Variants in BAIAP2L2 observed in about 807,000 individuals in gnomAD.
BAIAP2L2 encodes BAR/IMD domain containing adaptor protein 2 like 2, also known as BAR/IMD domain-containing adapter protein 2-like 2.
Under a neutral mutation model 60.4 loss-of-function variants are expected in BAIAP2L2, and 65 were observed. The ratio of observed to expected loss-of-function variants is 1.08; its 90% CI spans 0.88 to 1.32. BAIAP2L2 has a LOEUF of 1.32. BAIAP2L2 is among the 40% of genes most tolerant of loss of function. The pLI is 0.00. For missense variants in BAIAP2L2, 836 were observed against 741.2 expected, an observed-to-expected ratio of 1.13 and a Z score of -1.48; for synonymous variants, 344 against 301.7, an observed-to-expected ratio of 1.14 and a Z score of -1.45.
Position 38,089,591 on chromosome 22 carries a change from G to T in BAIAP2L2, c.696C>A (p.Pro232=). The change falls in exon 8 of 14, where the codon CCC becomes CCA. Residue 232 remains proline (P), a synonymous_variant. Coordinates refer to ENST00000381669, the MANE Select transcript of BAIAP2L2 (RefSeq NM_025045.6). ...GCCCCAGCGCGGGGCCCAGCAGGCC[G>T]GGGGAGTGGGCGCGCGACGGGCTGC... ...ASRSPSRAHS[P]GLLGPALGPP... The T allele has an allele frequency of 8.1e-7, 1 of 1,234,574 alleles. No individual in the cohort carries two copies. Among genetic ancestry groups the T allele is most frequent in the Non-Finnish European group, 1.0e-6 (1 of 990,820 alleles). The allele number at this position is 1,234,574 out of a possible 1,614,324, so 76.5% of individuals were successfully genotyped here.
chr22:38,101,062 A>G (rs1157771279), intron 4 of BAIAP2L2, among the ~76,000 whole-genome samples: 3 of 152,332 alleles, frequency 2.0e-5, no homozygotes, highest in African/African-American at 4.8e-5. Context: ...TACAATTGTC[A>G]AAATCTGTTG....
In BAIAP2L2 at chr22:38,094,486, G is replaced by A. The variant is rs538741906; in HGVS notation, c.612+2546C>T. ...CAGGTGTGAGCCACCGCGCCTGGCC[G>A]AGGTACTGGGTTACTGTGGTGGAGG... On this transcript the variant is annotated intron_variant, in intron 7 of 13. Coordinates refer to ENST00000381669, the MANE Select transcript of BAIAP2L2 (RefSeq NM_025045.6). Among the ~76,000 whole-genome samples, 8 of 152,098 alleles carry A rather than the reference G, an allele frequency of 5.3e-5. No individual in the cohort carries two copies. In the East Asian group the frequency reaches 7.7e-4, roughly 15 times the overall value.
At chr22:38,098,689 G>T (rs570569742) in intron 4 of BAIAP2L2, among the ~76,000 whole-genome samples, 1 of 152,314 alleles carries the variant, frequency 6.6e-6, no homozygotes, top group African/African-American at 2.4e-5. Flanking sequence ...TTAGTGCAGT[G>T]CTGCCTGGAA....
intron 7 of BAIAP2L2, among the ~76,000 whole-genome samples, chr22:38,092,370 G>A (rs1032464051): frequency 3.3e-5 from 5 of 152,200 alleles, no homozygotes; most frequent in African/African-American, 1.2e-4. Flanking sequence ...TCTGCCTCCC[G>A]GGTTCAAGCC....
intron 12 of BAIAP2L2, 94 bp downstream of exon 12, chr22:38,086,148 C>T (rs1168699428): frequency 1.5e-6 from 2 of 1,365,886 alleles, no homozygotes; most frequent in East Asian, 2.5e-5. Flanking sequence ...TAGGCGGGTC[C>T]CCTGCCAGAC....
At chr22:38,098,868 TTG>T (rs2086505425) in intron 4 of BAIAP2L2, among the ~76,000 whole-genome samples, 1 of 152,216 alleles carries the variant, frequency 6.6e-6, no homozygotes, top group Non-Finnish European at 1.5e-5. Context: ...CTCCCTCGTT[TTG>T]TCTCTGGAAT....
chr22:38,096,890 A>C (rs1646114507), intron 7 of BAIAP2L2, 142 bp downstream of exon 7: 5 of 969,852 alleles, frequency 5.2e-6, no homozygotes, highest in Non-Finnish European at 7.5e-6. Flanking sequence ...AAATGGATGG[A>C]GATAGCAAAA....
Position 38,088,903 on chromosome 22 carries a change from G to C in BAIAP2L2, c.963C>G (p.Gly321=), listed in dbSNP as rs760552564. 1 of 1,565,222 alleles carries C rather than the reference G, an allele frequency of 6.4e-7. No homozygotes were observed. The highest frequency in any genetic ancestry group is 2.3e-5 in the East Asian group (1 of 43,076). ...GGACTCTCCTGGCGCCCCCGCCGCC[G>C]CCCGGGCGCTCGCCAAAGGAGTTGG... ...SRSNSFGERP[G]GGGGARRVRA... The change falls in exon 10 of 14, where the codon GGC becomes GGG. Residue 321 remains glycine (G), a synonymous_variant. Transcript: ENST00000381669.
intron 4 of BAIAP2L2, among the ~76,000 whole-genome samples, chr22:38,099,792 C>T (rs2086526983): frequency 1.3e-5 from 2 of 152,212 alleles, no homozygotes; most frequent in Non-Finnish European, 2.9e-5. Flanking sequence ...CTCTGCGCAG[C>T]CTCTGTCCAC....
intron 1 of BAIAP2L2, among the ~76,000 whole-genome samples, chr22:38,109,795 A>C (rs73886266): frequency 1.3e-5 from 2 of 151,946 alleles, no homozygotes; most frequent in African/African-American, 4.8e-5. Flanking sequence ...GTCTCGGTTC[A>C]AATCCCAGCA....
Position 38,098,092 on chromosome 22 carries a change from TGC to T in BAIAP2L2, c.434_435del (p.Arg145GlnfsTer26), listed in dbSNP as rs1569226079. On this transcript the variant is annotated frameshift_variant, in exon 6 of 14. Coordinates refer to ENST00000381669, the MANE Select transcript of BAIAP2L2 (RefSeq NM_025045.6). LOFTEE classifies it high-confidence loss of function. ...ATCTCCCGCACGTTCTTGTCTCTCTTGCGCTCCATGCGCCACAGCTCAGACAT... is the reference window on the plus strand; with the variant it reads ...ATCTCCCGCACGTTCTTGTCTCTCTTGCTCCATGCGCCACAGCTCAGACAT... Reference protein sequence around the residue: ...KCMSELWRMERKRDKNVREMK... With the variant: ...KCMSELWRMEXKRDKNVREMK... The T allele has an allele frequency of 6.4e-7, 1 of 1,563,516 alleles. No homozygotes were observed. The highest frequency in any genetic ancestry group is 8.7e-7 in the Non-Finnish European group (1 of 1,146,614).
chr22:38,091,481 A>G (rs987318322), intron 7 of BAIAP2L2: 2 of 152,354 alleles, frequency 1.3e-5, no homozygotes, highest in African/African-American at 4.8e-5. Context: ...TGCCTGTATC[A>G]AAACACCTCA....
intron 7 of BAIAP2L2, among the ~76,000 whole-genome samples, chr22:38,091,968 A>T (rs576492902): frequency 6.6e-6 from 1 of 152,336 alleles, no homozygotes; most frequent in Non-Finnish European, 1.5e-5. Context: ...TAATTAGCCA[A>T]GATCAGAAAG....
At chr22:38,093,900 C>T (rs202177478) in intron 7 of BAIAP2L2, 6 of 456,446 alleles carry the variant, frequency 1.3e-5, no homozygotes, top group Non-Finnish European at 2.2e-5. Context: ...CATGGATGCT[C>T]AGCGCAGCAG....
intron 7 of BAIAP2L2, among the ~76,000 whole-genome samples, chr22:38,095,151 AAAAT>A (rs1414296197): frequency 6.6e-6 from 1 of 152,186 alleles, no homozygotes; most frequent in Non-Finnish European, 1.5e-5. Context: ...ACTCCGTCTC[AAAAT>A]AAATAAATAC....
At chr22:38,105,594 C>T (rs1001627404) in intron 4 of BAIAP2L2, among the ~76,000 whole-genome samples, 3 of 152,032 alleles carry the variant, frequency 2.0e-5, no homozygotes, top group African/African-American at 7.2e-5. Context: ...CCGCCCACCT[C>T]GGCCTCCCAA....
Position 38,109,830 on chromosome 22 carries a change from T to C in BAIAP2L2, c.52-622A>G, listed in dbSNP as rs900249763. On this transcript the variant is annotated intron_variant, in intron 1 of 13. Transcript: ENST00000381669. ...AGCACCTCTTCCTCCCTCCGTGACC[T>C]TGAATGAGCTGTTTAACCTCTTTGG... Among the ~76,000 whole-genome samples the C allele has an allele frequency of 6.3e-4, 95 of 151,986 alleles. 1 individual carries two copies. The highest frequency in any genetic ancestry group is 6.8e-3 in the Middle Eastern group (2 of 294).
At chr22:38,092,282 T>C (rs1158947205) in intron 7 of BAIAP2L2, among the ~76,000 whole-genome samples, 2 of 152,196 alleles carry the variant, frequency 1.3e-5, no homozygotes, top group African/African-American at 4.8e-5. Flanking sequence ...GGCTGCCTTC[T>C]TTTTTTGAGA....
At position 38,089,628 on chromosome 22, in the gene BAIAP2L2, G is replaced by T. The variant is rs1292927809; in HGVS notation, c.659C>A (p.Ser220Tyr). 6.5e-5 allele frequency: 80 copies of T among 1,233,182 alleles called. No individual in the cohort carries two copies. Among genetic ancestry groups the T allele is most frequent in the Non-Finnish European group, 8.1e-5 (80 of 989,112 alleles). The allele number at this position is 1,233,182 out of a possible 1,614,324, so 76.4% of individuals were successfully genotyped here. ...GCGCGACGGGCTGCGGCTGGCCTCA[G>T]ACTGCTCCTTCCACAGCAGCACGCG... Reference protein sequence around the residue: ...QNRVLLWKEQSEASRSPSRAH... With the variant: ...QNRVLLWKEQYEASRSPSRAH... The change falls in exon 8 of 14, where the codon TCT becomes TAT. Residue 220 changes from serine (S) to tyrosine (Y), a missense_variant. Physicochemically the swap from Ser to Tyr is moderately radical, Grantham distance 144. Coordinates refer to ENST00000381669, the MANE Select transcript of BAIAP2L2 (RefSeq NM_025045.6).
Sources: gnomAD v4.1 joint callset for allele counts (sites outside exome capture counted in the v4.1 genomes callset) on GRCh38, gnomAD v4.1.1 for gene constraint, MANE v1.5 for transcripts, NCBI Gene and HGNC (gene_info 2026-07-23, HGNC 2026-07-21) for gene names.